Variants in FBXO25 observed in about 807,000 individuals in gnomAD.
FBXO25 encodes F-box only protein 25.
FBXO25 carries 45 observed loss-of-function variants against 51.9 expected under a neutral mutation model. The observed-to-expected ratio is 0.87, with a 90% CI of 0.68 to 1.11. The LOEUF (loss-of-function observed/expected upper bound fraction) is 1.11. FBXO25 is among the 50% of genes most tolerant of loss of function. The pLI, the probability that FBXO25 is intolerant of heterozygous loss-of-function variation, is 0.00. For synonymous variants in FBXO25, 199 were observed against 151.0 expected, an observed-to-expected ratio of 1.32 and a Z score of -2.33; for missense variants, 507 against 428.5, an observed-to-expected ratio of 1.18 and a Z score of -1.62.
intron 5 of FBXO25, among the ~76,000 whole-genome samples, chr8:441,528 A>T (rs1419070954): frequency 2.0e-5 from 3 of 152,250 alleles, no homozygotes; most frequent in Non-Finnish European, 4.4e-5. Flanking sequence ...GGATCTAATT[A>T]AACTAAAAAG....
chr8:441,311 A>G (rs867415357), intron 5 of FBXO25, among the ~76,000 whole-genome samples: 21 of 152,238 alleles, frequency 1.4e-4, no homozygotes, highest in Non-Finnish European at 2.5e-4. Flanking sequence ...CTGGCTAGCC[A>G]TATGCAAAAA....
At chr8:460,731 C>T (rs565504813) in intron 8 of FBXO25, among the ~76,000 whole-genome samples, 6 of 152,348 alleles carry the variant, frequency 3.9e-5, no homozygotes, top group South Asian at 4.1e-4. Context: ...AGACAACAAA[C>T]GGTTGTTTTT....
rs1285509652 is a variant in FBXO25, at chr8:470,829, T to A, written c.*2025T>A. 1 of 152,226 alleles carries A rather than the reference T, an allele frequency of 6.6e-6. No individual in the cohort carries two copies. The highest frequency in any genetic ancestry group is 2.4e-5 in the African/African-American group (1 of 41,456). The allele number at this position is 152,226 out of a possible 1,614,324, so 9.4% of individuals were successfully genotyped here. ...TAAATTGTGAGCTTGAATATTTCCATATATTTATTATCCATTTGCTTTTCT... is the reference window on the plus strand; with the variant it reads ...TAAATTGTGAGCTTGAATATTTCCAAATATTTATTATCCATTTGCTTTTCT... On this transcript the variant is annotated 3_prime_UTR_variant, in exon 10 of 10. Transcript: ENST00000350302.
intron 2 of FBXO25, among the ~76,000 whole-genome samples, chr8:423,331 T>A (rs1225563088): frequency 1.3e-5 from 2 of 152,096 alleles, no homozygotes; most frequent in Admixed American, 1.3e-4. Flanking sequence ...ATACAGGGGG[T>A]CCATGTACAG....
intron 9 of FBXO25, 59 bp downstream of exon 9, chr8:463,209 T>C: frequency 6.4e-7 from 1 of 1,557,210 alleles, no homozygotes; most frequent in South Asian, 1.2e-5. Context: ...AACAAACTAA[T>C]CACCTATATT....
At position 477,238 on chromosome 8, in the gene FBXO25, G is replaced by C. The variant is rs116127836; in HGVS notation, c.*8434G>C. 2 of 152,176 alleles carry C rather than the reference G, an allele frequency of 1.3e-5. No homozygotes were observed. The highest frequency in any genetic ancestry group is 3.8e-4 in the East Asian group (2 of 5,202). 9.4% of individuals were successfully genotyped at this position (152,176 alleles called of 1,614,324 possible). A position where few individuals can be genotyped will look rare whatever the true frequency, so the allele number is the denominator to read the frequency against. On this transcript the variant is annotated 3_prime_UTR_variant, in exon 10 of 10. Transcript: ENST00000350302. The stretch of plus-strand genomic sequence containing the variant: ...TAGAGAAAGGTCCATTTGCACTTGA[G>C]AAAAACGTGTGTACTGCTGTTGTGT...
intron 5 of FBXO25, among the ~76,000 whole-genome samples, chr8:446,677 A>C (rs2116694595): frequency 6.6e-6 from 1 of 152,336 alleles, no homozygotes; most frequent in African/African-American, 2.4e-5. Flanking sequence ...ACAGGATTGA[A>C]ATTTTAACAT....
At chr8:413,289 C>T in intron 2 of FBXO25, 76 bp downstream of exon 2, 1 of 1,385,544 alleles carries the variant, frequency 7.2e-7, no homozygotes, top group Non-Finnish European at 9.4e-7. Flanking sequence ...CAAGTCCCTG[C>T]AAAGCTCCAT....
chr8:462,719 G>A (rs1227589755), intron 8 of FBXO25, among the ~76,000 whole-genome samples: 1 of 152,114 alleles, frequency 6.6e-6, no homozygotes, highest in Non-Finnish European at 1.5e-5. Flanking sequence ...CATTCAGAGA[G>A]GTATAATACA....
At chr8:430,594 A>G (rs904488229) in intron 2 of FBXO25, among the ~76,000 whole-genome samples, 1 of 152,198 alleles carries the variant, frequency 6.6e-6, no homozygotes, top group African/African-American at 2.4e-5. Context: ...GCTTGTCTCC[A>G]CAGAGCTTCC....
intron 1 of FBXO25, among the ~76,000 whole-genome samples, chr8:411,940 A>G (rs537721675): frequency 1.9e-4 from 29 of 152,280 alleles, no homozygotes; most frequent in African/African-American, 7.0e-4. Context: ...CCAAATATTC[A>G]TATTTAACTG....
At chr8:438,990 C>G (rs117707788) in intron 5 of FBXO25, among the ~76,000 whole-genome samples, 2,067 of 152,278 alleles carry the variant, frequency 0.014, 29 homozygotes, top group Non-Finnish European at 0.022. Flanking sequence ...AAAACAACAC[C>G]CCCTTTGTCA....
At chr8:445,578 T>G (rs2116686308) in intron 5 of FBXO25, among the ~76,000 whole-genome samples, 2 of 152,294 alleles carry the variant, frequency 1.3e-5, no homozygotes, top group Middle Eastern at 6.8e-3. Context: ...CTGGGCTGGG[T>G]GCAGTGGCTC....
At chr8:466,809 T>G (rs1317607276) in intron 9 of FBXO25, among the ~76,000 whole-genome samples, 1 of 152,176 alleles carries the variant, frequency 6.6e-6, no homozygotes, top group African/African-American at 2.4e-5. Context: ...TGTAAGTAAC[T>G]GGGCTGAGTT....
At chr8:411,958 A>C (rs1796505955) in intron 1 of FBXO25, among the ~76,000 whole-genome samples, 1 of 152,188 alleles carries the variant, frequency 6.6e-6, no homozygotes, top group South Asian at 2.1e-4. Flanking sequence ...CTGAACTAAG[A>C]TGGGACTAAG....
intron 2 of FBXO25, among the ~76,000 whole-genome samples, chr8:421,062 G>T (rs975758126): frequency 1.3e-5 from 2 of 152,254 alleles, no homozygotes; most frequent in African/African-American, 4.8e-5. Context: ...TAGGACCTGG[G>T]CCACAGAGCA....
intron 9 of FBXO25, among the ~76,000 whole-genome samples, chr8:468,465 C>T (rs527683906): frequency 1.8e-4 from 27 of 152,232 alleles, no homozygotes; most frequent in East Asian, 7.7e-4. Context: ...GTACCAGATT[C>T]GGCACTGGAG....
At chr8:411,156 T>C (rs1297079155) in intron 1 of FBXO25, among the ~76,000 whole-genome samples, 1 of 152,230 alleles carries the variant, frequency 6.6e-6, no homozygotes, top group Admixed American at 6.5e-5. Context: ...TCAAGTCTGT[T>C]CGGGACGTGA....
At chr8:431,505 C>G (rs957844414) in intron 3 of FBXO25, 61 bp downstream of exon 3, 2 of 815,444 alleles carry the variant, frequency 2.5e-6, no homozygotes, top group African/African-American at 3.5e-5. Context: ...CTAAATTACT[C>G]TGACAATGCT....
Sources: gnomAD v4.1 joint callset for allele counts (sites outside exome capture counted in the v4.1 genomes callset) on GRCh38, gnomAD v4.1.1 for gene constraint, MANE v1.5 for transcripts, NCBI Gene and HGNC (gene_info 2026-07-23, HGNC 2026-07-21) for gene names.